Variants in TMEM132B observed in about 807,000 individuals in gnomAD.
TMEM132B encodes transmembrane protein 132B.
In TMEM132B, 18 loss-of-function variants were observed where a neutral mutation model predicts 90.8. The ratio of observed to expected loss-of-function variants is 0.20; its 90% CI spans 0.14 to 0.29. The LOEUF is 0.29. TMEM132B is among the 10% of genes least tolerant of loss of function. TMEM132B has a pLI of 1.00. For synonymous variants in TMEM132B, 504 were observed against 523.3 expected (o/e 0.96, Z 0.50); for missense variants, 1,096 against 1,326.8 (o/e 0.83, Z 2.70).
At chr12:125,548,880 G>T (rs1177059335) in intron 4 of TMEM132B, among the ~76,000 whole-genome samples, 2 of 152,214 alleles carry the variant, frequency 1.3e-5, no homozygotes, top group Non-Finnish European at 2.9e-5. Flanking sequence ...GAGGTGCAGA[G>T]TTATTAAAAA....
Position 125,186,625 on chromosome 12 carries a change from C to T in TMEM132B, c.-175C>T, listed in dbSNP as rs185460685. Among the ~76,000 whole-genome samples the T allele has an allele frequency of 3.1e-4, 46 of 146,944 alleles. No homozygotes were observed. In the East Asian group the frequency reaches 8.4e-3, roughly 27 times the overall value. ...GAGCCCAGGAGAGCGCGCAGAGGCG[C>T]AGCCGAGGAAGCGCCGCCAGCGCCG... On this transcript the variant is annotated 5_prime_UTR_variant, in exon 1 of 9. It introduces an in-frame stop codon into an upstream open reading frame of the 5' UTR. Coordinates refer to ENST00000682704, the MANE Select transcript of TMEM132B (RefSeq NM_001366854.1). This position sits in a 1 kb window ranked among gnomAD's most constrained non-coding sequence, Gnocchi z 6.3.
chr12:125,395,584 GT>G (rs781233755), intron 2 of TMEM132B, among the ~76,000 whole-genome samples: 1 of 152,304 alleles, frequency 6.6e-6, no homozygotes, highest in Admixed American at 6.5e-5. Flanking sequence ...GTAAAGTTAT[GT>G]GTGTATCTTC....
At chr12:125,611,954 C>T (rs1205851041) in intron 5 of TMEM132B, among the ~76,000 whole-genome samples, 1 of 151,908 alleles carries the variant, frequency 6.6e-6, no homozygotes, top group African/African-American at 2.4e-5. Context: ...CTTCTATTTC[C>T]ATGTTGATCT....
rs576236703 is a variant in TMEM132B, at chr12:125,407,167, G to A, written c.960-8364G>A. On this transcript the variant is annotated intron_variant, in intron 2 of 8. Transcript: ENST00000682704. This position sits in a 1 kb window ranked among gnomAD's most constrained non-coding sequence, Gnocchi z 6.7. The stretch of plus-strand genomic sequence containing the variant: ...CCTCCCTACTATAAATCATATTGAA[G>A]CACAGATTATCTGGCATGGCCCAAG... 6.6e-6 allele frequency among the ~76,000 whole-genome samples: 1 copy of A among 152,326 alleles called. No individual in the cohort carries two copies. The highest frequency in any genetic ancestry group is 1.5e-5 in the Non-Finnish European group (1 of 68,042).
chr12:125,567,600 A>G (rs1212792030), intron 4 of TMEM132B, among the ~76,000 whole-genome samples: 1 of 152,188 alleles, frequency 6.6e-6, no homozygotes, highest in African/African-American at 2.4e-5. Flanking sequence ...GCTTATTCAT[A>G]TTTAAATAAA....
intron 3 of TMEM132B, among the ~76,000 whole-genome samples, chr12:125,434,867 G>C (rs1478809738): frequency 6.6e-6 from 1 of 152,168 alleles, no homozygotes; most frequent in Admixed American, 6.5e-5. Flanking sequence ...CTGATGCAGC[G>C]GGGTCAGGAG....
chr12:125,550,116 G>T (rs897402857), intron 4 of TMEM132B, among the ~76,000 whole-genome samples: 1 of 152,120 alleles, frequency 6.6e-6, no homozygotes, highest in Non-Finnish European at 1.5e-5. Flanking sequence ...TGTTCCTGCC[G>T]CACAGCCCCC....
At position 125,373,018 on chromosome 12, in the gene TMEM132B, CT is replaced by C. The variant is rs1339179801; in HGVS notation, c.959+22678del. 1.1e-4 allele frequency among the ~76,000 whole-genome samples: 17 copies of C among 152,238 alleles called. 1 individual carries two copies. The highest frequency in any genetic ancestry group is 1.1e-3 in the Admixed American group (17 of 15,286). The stretch of plus-strand genomic sequence containing the variant: ...TCCCCGACCATCCCTATGTGGTCCT[CT>C]TTGGCAATCCTGGCCCCATTATCCA... On this transcript the variant is annotated intron_variant, in intron 2 of 8. Coordinates refer to ENST00000682704, the MANE Select transcript of TMEM132B (RefSeq NM_001366854.1).
At chr12:125,515,597 A>G (rs1317593916) in intron 3 of TMEM132B, among the ~76,000 whole-genome samples, 1 of 150,658 alleles carries the variant, frequency 6.6e-6, no homozygotes, top group Non-Finnish European at 1.5e-5. Flanking sequence ...CCTCTCACAC[A>G]CACTCATACA....
intron 1 of TMEM132B, among the ~76,000 whole-genome samples, chr12:125,331,027 C>T (rs1400473660): frequency 1.3e-5 from 2 of 152,250 alleles, no homozygotes; most frequent in African/African-American, 4.8e-5. Flanking sequence ...ATCGGGGTTT[C>T]GTCTCTGGAA....
At chr12:125,455,427 A>C (rs890350289) in intron 3 of TMEM132B, among the ~76,000 whole-genome samples, 21 of 152,360 alleles carry the variant, frequency 1.4e-4, no homozygotes, top group African/African-American at 5.0e-4. Context: ...TGCCCAGCCC[A>C]GGAAGGCACA....
intron 1 of TMEM132B, among the ~76,000 whole-genome samples, chr12:125,279,471 G>A (rs1875098102): frequency 6.6e-6 from 1 of 152,184 alleles, no homozygotes; most frequent in Admixed American, 6.5e-5. Flanking sequence ...GCTAGGCAGA[G>A]GGGTCTATGT....
At chr12:125,197,207 A>C (rs545839272) in intron 1 of TMEM132B, among the ~76,000 whole-genome samples, 1 of 152,232 alleles carries the variant, frequency 6.6e-6, no homozygotes, top group East Asian at 1.9e-4. Context: ...CTGTGTGTCC[A>C]TGGAAATCGC....
rs184833165 is a variant in TMEM132B at position 125,259,262 on chromosome 12, T to G, written c.67+72396T>G. Among the ~76,000 whole-genome samples, 52 of 152,302 alleles carry G rather than the reference T, an allele frequency of 3.4e-4. 1 individual carries two copies. The highest frequency in any genetic ancestry group is 1.1e-3 in the African/African-American group (46 of 41,560). On this transcript the variant is annotated intron_variant, in intron 1 of 8. Transcript: ENST00000682704. ...TCCTATGAGAACAGGAACTTTGTCTTGAAAACCAGCATTCTCAGTGTGTAA... is the reference window on the plus strand; with the variant it reads ...TCCTATGAGAACAGGAACTTTGTCTGGAAAACCAGCATTCTCAGTGTGTAA...
intron 1 of TMEM132B, among the ~76,000 whole-genome samples, chr12:125,305,008 CT>C (rs1023916759): frequency 6.6e-6 from 1 of 152,054 alleles, no homozygotes; most frequent in African/African-American, 2.4e-5. Flanking sequence ...AAGACATTTG[CT>C]TTGCTGTTTC....
Position 125,644,177 on chromosome 12 carries a change from CGAG to C in TMEM132B, c.1541_1543del (p.Glu514del), listed in dbSNP as rs1886700746. ...CCCACCAGCACTTCACCTCCCAGTTCGAGGTCACTGTCTGGGCACCCAGGCTCC... is the reference window on the plus strand; with the variant it reads ...CCCACCAGCACTTCACCTCCCAGTTCGTCACTGTCTGGGCACCCAGGCTCC... On this transcript the variant is annotated inframe_deletion, in exon 6 of 9. Transcript: ENST00000682704. 1 of 1,614,098 alleles carries C rather than the reference CGAG, an allele frequency of 6.2e-7. No individual in the cohort carries two copies. The highest frequency in any genetic ancestry group is 8.5e-7 in the Non-Finnish European group (1 of 1,180,048).
intron 1 of TMEM132B, among the ~76,000 whole-genome samples, chr12:125,265,732 G>T (rs1384858907): frequency 1.3e-5 from 2 of 152,010 alleles, no homozygotes; most frequent in Non-Finnish European, 2.9e-5. Flanking sequence ...CCCTTTACCT[G>T]TTTTTTTACT....
At chr12:125,247,990 T>G (rs1286763666) in intron 1 of TMEM132B, among the ~76,000 whole-genome samples, 1 of 152,230 alleles carries the variant, frequency 6.6e-6, no homozygotes, top group Non-Finnish European at 1.5e-5. Flanking sequence ...CATCCTTCAG[T>G]GTGGCTTTGG....
chr12:125,635,152 T>A (rs545758883), intron 5 of TMEM132B, among the ~76,000 whole-genome samples: 2 of 152,224 alleles, frequency 1.3e-5, no homozygotes, highest in Non-Finnish European at 2.9e-5. Context: ...TTATTTAATT[T>A]ATTTATTTAT....
Sources: allele counts gnomAD v4.1 joint callset (sites outside exome capture counted in the v4.1 genomes callset), GRCh38; gene constraint gnomAD v4.1.1; non-coding constraint Gnocchi (gnomAD v3.1); transcripts MANE v1.5; gene names NCBI Gene and HGNC (gene_info 2026-07-23, HGNC 2026-07-21).